The following PHIP variants were observed in gnomAD, a reference collection of about 807,000 sequenced individuals.
PHIP encodes PH-interacting protein.
A neutral mutation model predicts 236.8 loss-of-function variants in PHIP; 54 were observed. That is an observed-to-expected ratio of 0.23 (90% confidence interval 0.18 to 0.29). The LOEUF is 0.29. Ranked by LOEUF, PHIP falls within the 10% of genes least tolerant of loss-of-function variation. The probability of loss-of-function intolerance (pLI) is 1.00; values close to 1 mark genes in which losing one functional copy is unlikely to be tolerated. For missense variants in PHIP, 1,370 were observed against 2,190.8 expected, an observed-to-expected ratio of 0.63 and a Z score of 7.48; for synonymous variants, 756 against 718.9, an observed-to-expected ratio of 1.05 and a Z score of -0.83.
intron 7 of PHIP, among the ~76,000 whole-genome samples, chr6:79,028,408 A>G (rs1771508905): frequency 6.6e-6 from 1 of 152,214 alleles, no homozygotes; most frequent in Admixed American, 6.5e-5. Context: ...AAATTATTAT[A>G]GCAAAAAAGA....
At position 78,965,552 on chromosome 6, in the gene PHIP, ACTT is replaced by A. The variant is rs3834844; in HGVS notation, c.3379+148_3379+150del. On this transcript the variant is annotated intron_variant, in intron 29 of 39. Coordinates refer to ENST00000275034, the MANE Select transcript of PHIP (RefSeq NM_017934.7). Reference sequence around the variant, plus strand: ...TCTTCTTCACTGCTGAATCTCCCCTACTTCAAGGTGTACAATAATAAATATTTG... The same window carrying A: ...TCTTCTTCACTGCTGAATCTCCCCTACAAGGTGTACAATAATAAATATTTG... 564 of 531,246 alleles carry A rather than the reference ACTT, an allele frequency of 1.1e-3. 7 individuals are homozygous for A. The highest frequency in any genetic ancestry group is 7.5e-3 in the South Asian group (213 of 28,466). 32.9% of individuals were successfully genotyped at this position (531,246 alleles called of 1,614,324 possible). A position where few individuals can be genotyped will look rare whatever the true frequency, so the allele number is the denominator to read the frequency against.
intron 7 of PHIP, among the ~76,000 whole-genome samples, chr6:79,029,542 T>C (rs1017209773): frequency 3.9e-5 from 6 of 152,218 alleles, no homozygotes; most frequent in African/African-American, 1.4e-4. Context: ...CATTTCCTTA[T>C]TTACTTTGAG....
Position 79,077,279 on chromosome 6 carries a change from C to G in PHIP, c.189+169G>C, listed in dbSNP as rs574719176. 6.3e-3 allele frequency among the ~76,000 whole-genome samples: 963 copies of G among 152,212 alleles called. 19 individuals carry two copies. The highest frequency in any genetic ancestry group is 0.022 in the African/African-American group (907 of 41,560). ...CTGCGGCCCCGAAGTACGAGTACCCCCGGCCACTGGCCCCCGCAGACCCCG... is the reference window on the plus strand; with the variant it reads ...CTGCGGCCCCGAAGTACGAGTACCCGCGGCCACTGGCCCCCGCAGACCCCG... On this transcript the variant is annotated intron_variant, in intron 4 of 39. Transcript: ENST00000275034.
At position 78,946,774 on chromosome 6, in the gene PHIP, G is replaced by C. The variant is rs771484458; in HGVS notation, c.4307C>G (p.Thr1436Ser). The C allele has an allele frequency of 1.3e-5, 21 of 1,591,256 alleles. No homozygotes were observed. The highest frequency in any genetic ancestry group is 1.8e-5 in the Admixed American group (1 of 55,208). Residue 1436 changes from threonine to serine, a missense_variant, in exon 37 of 40, where the codon ACC (threonine) becomes AGC (serine). Thr to Ser is a moderately conservative substitution (Grantham distance 58). This residue lies in a region of PHIP where 125 missense variants were observed against 235.1 expected (regional missense o/e 0.53). Coordinates refer to ENST00000275034, the MANE Select transcript of PHIP (RefSeq NM_017934.7). ...TCTTTTCTTCCTCCTTTTGGTTATG[G>C]TATTTCTTTTATGAAAACGAAGAGC... The part of the protein sequence containing the change: ...KSALRFHKRN[T>S]ITKRRKKRNR...
At chr6:79,011,466 T>C (rs983135241) in intron 15 of PHIP, among the ~76,000 whole-genome samples, 2 of 151,794 alleles carry the variant, frequency 1.3e-5, no homozygotes, top group Admixed American at 1.3e-4. Context: ...CTTTTAAAAG[T>C]TTTTAGTTAA....
chr6:78,970,245 G>C, intron 25 of PHIP, 72 bp from the exon 26 acceptor site: 1 of 1,325,574 alleles, frequency 7.5e-7, no homozygotes, highest in Non-Finnish European at 1.1e-6. Flanking sequence ...AAACATTGTT[G>C]AGAAAAAACT....
At chr6:79,026,220 C>T (rs1582243926) in intron 7 of PHIP, 56 bp from the exon 8 acceptor site, 9 of 1,229,160 alleles carry the variant, frequency 7.3e-6, no homozygotes, top group Non-Finnish European at 9.5e-6. Flanking sequence ...AATTCAAAAT[C>T]TTAACACTGA....
chr6:78,980,313 A>G (rs1255266956), intron 23 of PHIP, among the ~76,000 whole-genome samples: 1 of 152,036 alleles, frequency 6.6e-6, no homozygotes, highest in Non-Finnish European at 1.5e-5. Context: ...GAGAAACAGG[A>G]AGACACATGA....
Position 79,066,843 on chromosome 6 carries a change from T to C in PHIP, c.190-6025A>G, listed in dbSNP as rs979243832. On this transcript the variant is annotated intron_variant, in intron 4 of 39. Coordinates refer to ENST00000275034, the MANE Select transcript of PHIP (RefSeq NM_017934.7). ...TTTTAAATTTCCCCAAGAATGCCCA[T>C]GTATCAGTAGTGCTCAAAACTTTTT... 4.6e-5 allele frequency among the ~76,000 whole-genome samples: 7 copies of C among 152,300 alleles called. No individual in the cohort carries two copies. The South Asian group carries it at 1.4e-3, about 32-fold the overall frequency.
chr6:78,956,537 T>TG (rs1766428499), intron 32 of PHIP: 1 of 152,138 alleles, frequency 6.6e-6, no homozygotes, highest in Non-Finnish European at 1.5e-5. Context: ...AACAGCCCCT[T>TG]GCTCTCAGAG....
At chr6:79,077,971 C>T (rs1774275002) in intron 1 of PHIP, 58 bp from the exon 2 acceptor site, 2 of 1,569,594 alleles carry the variant, frequency 1.3e-6, no homozygotes, top group Non-Finnish European at 1.7e-6. Flanking sequence ...CGGCGGGGGG[C>T]GGGGGACCGC....
At chr6:79,030,869 G>A (rs1235359528) in intron 7 of PHIP, among the ~76,000 whole-genome samples, 1 of 151,938 alleles carries the variant, frequency 6.6e-6, no homozygotes, top group Non-Finnish European at 1.5e-5. Context: ...TCAAATTATT[G>A]TGCTATTGTT....
chr6:79,056,155 T>C (rs1308658203), intron 6 of PHIP, among the ~76,000 whole-genome samples: 1 of 152,182 alleles, frequency 6.6e-6, no homozygotes, highest in African/African-American at 2.4e-5. Context: ...GGTAAATAAA[T>C]AGCCATAACC....
intron 6 of PHIP, among the ~76,000 whole-genome samples, chr6:79,049,832 A>G (rs1409013265): frequency 6.6e-6 from 1 of 152,318 alleles, no homozygotes. Flanking sequence ...ATAGTTGTCT[A>G]TATATGGTGT....
intron 23 of PHIP, 58 bp downstream of exon 23, chr6:78,982,828 T>C (rs1333676376): frequency 5.1e-6 from 5 of 985,820 alleles, no homozygotes; most frequent in Admixed American, 2.5e-5. Context: ...TACTTCAAGA[T>C]GTGTGCTTTA....
chr6:78,992,051 C>A (rs1769285906), intron 19 of PHIP, among the ~76,000 whole-genome samples: 1 of 150,728 alleles, frequency 6.6e-6, no homozygotes, highest in South Asian at 2.1e-4. Flanking sequence ...AGGCTCTGCC[C>A]CCCGGGGTTC....
chr6:78,988,836 T>C (rs764210676), intron 20 of PHIP, among the ~76,000 whole-genome samples: 14 of 151,994 alleles, frequency 9.2e-5, no homozygotes, highest in East Asian at 1.9e-4. Context: ...ATAGAAATGA[T>C]GTAAGAAAAA....
intron 6 of PHIP, among the ~76,000 whole-genome samples, chr6:79,060,151 T>G (rs2127772133): frequency 6.6e-6 from 1 of 152,164 alleles, no homozygotes; most frequent in African/African-American, 2.4e-5. Context: ...TAACTACTTT[T>G]GTCTCCTACC....
chr6:79,065,959 G>A lies in PHIP; in HGVS notation c.190-5141C>T, dbSNP rs1773601825. On this transcript the variant is annotated intron_variant, in intron 4 of 39. Coordinates refer to ENST00000275034, the MANE Select transcript of PHIP (RefSeq NM_017934.7). ...TGATTTTCAGTTTTCAACTTAGTAAGAACCCCATATCTTTAATATAAACTT... is the reference window on the plus strand; with the variant it reads ...TGATTTTCAGTTTTCAACTTAGTAAAAACCCCATATCTTTAATATAAACTT... Among the ~76,000 whole-genome samples the A allele has an allele frequency of 3.3e-5, 5 of 151,820 alleles. No individual in the cohort carries two copies. The South Asian group carries it at 1.0e-3, about 32-fold the overall frequency.
Sources: allele counts gnomAD v4.1 joint callset (sites outside exome capture counted in the v4.1 genomes callset), GRCh38; gene constraint gnomAD v4.1.1; regional missense constraint gnomAD v4.1.1; transcripts MANE v1.5; gene names NCBI Gene and HGNC (gene_info 2026-07-23, HGNC 2026-07-21).